The following PTPRG variants were observed in gnomAD, a reference collection of about 807,000 sequenced individuals.
PTPRG encodes the protein receptor-type tyrosine-protein phosphatase gamma.
Under a neutral mutation model 165.3 loss-of-function variants are expected in PTPRG, and 102 were observed. That is an observed-to-expected ratio of 0.62 (90% CI 0.53 to 0.73). The LOEUF (loss-of-function observed/expected upper bound fraction) is 0.73. PTPRG is among the 30% of genes least tolerant of loss of function. The pLI is 0.00. For synonymous variants in PTPRG, 675 were observed against 669.5 expected (o/e 1.01, Z -0.13); for missense variants, 1,866 against 1,861.4 (o/e 1.00, Z -0.05).
At chr3:61,643,576 C>T (rs531513430) in intron 1 of PTPRG, among the ~76,000 whole-genome samples, 2 of 152,142 alleles carry the variant, frequency 1.3e-5, no homozygotes, top group East Asian at 1.9e-4. Context: ...GTCAGGAGTT[C>T]GAGACCAGCC....
rs199968064 is a variant in PTPRG, at chr3:62,033,361, ATTTT to A, written c.519+29881_519+29884del. On this transcript the variant is annotated intron_variant, in intron 4 of 29. Transcript: ENST00000474889. ...ATCTACTCTCAACTGCTCCCTATAC[ATTTT>A]TTTTTTTTTTTTTTTTGAGACAGGG... 1.7e-3 allele frequency among the ~76,000 whole-genome samples: 207 copies of A among 124,310 alleles called. No individual in the cohort carries two copies. The East Asian group carries it at 0.02, about 12-fold the overall frequency. The allele number at this position is 124,310 out of a possible 152,430, so 81.6% of individuals were successfully genotyped here. A position where few individuals can be genotyped will look rare whatever the true frequency, so the allele number is the denominator to read the frequency against.
chr3:61,964,459 G>T (rs1185767343), intron 2 of PTPRG, among the ~76,000 whole-genome samples: 1 of 152,090 alleles, frequency 6.6e-6, no homozygotes, highest in Non-Finnish European at 1.5e-5. Flanking sequence ...TTATTATGGG[G>T]TTATGAGTTA....
At chr3:61,715,354 C>T (rs1407387734) in intron 1 of PTPRG, among the ~76,000 whole-genome samples, 2 of 152,006 alleles carry the variant, frequency 1.3e-5, no homozygotes, top group African/African-American at 4.8e-5. Flanking sequence ...GTAGCTGGGA[C>T]TACAGGTGTG....
rs567124358 is a variant in PTPRG at position 61,756,734 on chromosome 3, A to G, written c.190+7752A>G. Reference sequence around the variant, plus strand: ...GGCCTTGTGACCATTGGAAAAGTCTAGCAGTAAGATGAAATACTGTTTAGT... The same window carrying G: ...GGCCTTGTGACCATTGGAAAAGTCTGGCAGTAAGATGAAATACTGTTTAGT... On this transcript the variant is annotated intron_variant, in intron 2 of 29. Coordinates refer to ENST00000474889, the MANE Select transcript of PTPRG (RefSeq NM_002841.4). 1.3e-5 allele frequency among the ~76,000 whole-genome samples: 2 copies of G among 152,324 alleles called. 1 individual carries two copies. Among genetic ancestry groups the G allele is most frequent in the South Asian group, 4.1e-4 (2 of 4,826 alleles).
At chr3:61,684,831 T>A (rs1703569457) in intron 1 of PTPRG, among the ~76,000 whole-genome samples, 1 of 152,196 alleles carries the variant, frequency 6.6e-6, no homozygotes, top group South Asian at 2.1e-4. Context: ...CCTGGAGTAG[T>A]TGAGTTTGGG....
intron 2 of PTPRG, among the ~76,000 whole-genome samples, chr3:61,970,119 T>G (rs1315930526): frequency 1.3e-5 from 2 of 152,216 alleles, no homozygotes; most frequent in African/African-American, 4.8e-5. Flanking sequence ...GCCACTTTTT[T>G]GAACCATGTG....
intron 1 of PTPRG, among the ~76,000 whole-genome samples, chr3:61,715,995 A>C (rs1420197199): frequency 2.0e-5 from 3 of 152,120 alleles, no homozygotes; most frequent in African/African-American, 7.2e-5. Context: ...AGAGGAGCAT[A>C]ATGACATACT....
At chr3:62,018,490 A>C (rs11706702) in intron 4 of PTPRG, among the ~76,000 whole-genome samples, 43,876 of 152,020 alleles carry the variant, frequency 0.29, 6,488 homozygotes, top group East Asian at 0.38. Context: ...GGGTGTCACC[A>C]CTCTCTTTCC....
intron 5 of PTPRG, among the ~76,000 whole-genome samples, chr3:62,131,128 C>G (rs570961840): frequency 5.1e-4 from 78 of 152,306 alleles, no homozygotes; most frequent in Middle Eastern, 6.8e-3. Flanking sequence ...GCACCACTGA[C>G]ATCTTAGCCA....
chr3:62,264,742 G>A lies in PTPRG; in HGVS notation c.2656+1848G>A, dbSNP rs1273070349. 5.9e-5 allele frequency among the ~76,000 whole-genome samples: 9 copies of A among 152,044 alleles called. No homozygotes were observed. In the South Asian group the frequency reaches 1.5e-3, roughly 25 times the overall value. On this transcript the variant is annotated intron_variant, in intron 17 of 29. Transcript: ENST00000474889. ...CCGCTTCTCAGCTAGTATGAATACC[G>A]CTATGAGCATTCATGTACAAGTCTT...
intron 1 of PTPRG, among the ~76,000 whole-genome samples, chr3:61,649,101 T>G (rs545002175): frequency 6.6e-6 from 1 of 152,202 alleles, no homozygotes; most frequent in East Asian, 1.9e-4. Context: ...GGAGACTGGT[T>G]AATTTATTTT....
chr3:61,848,315 A>T (rs538738535), intron 2 of PTPRG, among the ~76,000 whole-genome samples: 3 of 152,336 alleles, frequency 2.0e-5, no homozygotes, highest in African/African-American at 7.2e-5. Context: ...GCCTTGCTGC[A>T]GTCTTTGCCC....
rs759385441 is a variant in PTPRG, at chr3:62,099,793, CTTTTTTTTT to C, written c.615+21550_615+21558del. ...TAGTCATAGTACTTAAGTGTTAAAT[CTTTTTTTTT>C]TTTTTTTTTTTTTTGAGGCAGAGTC... On this transcript the variant is annotated intron_variant, in intron 5 of 29. Transcript: ENST00000474889. 9.9e-5 allele frequency among the ~76,000 whole-genome samples: 9 copies of C among 90,752 alleles called. No homozygotes were observed. In the South Asian group the frequency reaches 1.3e-3, roughly 13 times the overall value. 59.5% of individuals were successfully genotyped at this position (90,752 alleles called of 152,430 possible).
At chr3:61,890,698 T>A (rs1485075897) in intron 2 of PTPRG, among the ~76,000 whole-genome samples, 1 of 152,082 alleles carries the variant, frequency 6.6e-6, no homozygotes, top group South Asian at 2.1e-4. Context: ...AATTGACTTT[T>A]AAAAAAAGTC....
chr3:61,566,610 C>T (rs372491527), intron 1 of PTPRG, among the ~76,000 whole-genome samples: 3 of 152,172 alleles, frequency 2.0e-5, no homozygotes, highest in African/African-American at 4.8e-5. Flanking sequence ...CAGGTTCAAG[C>T]GATTCTCCTG....
At chr3:61,637,081 A>G (rs1701930920) in intron 1 of PTPRG, among the ~76,000 whole-genome samples, 1 of 152,166 alleles carries the variant, frequency 6.6e-6, no homozygotes, top group African/African-American at 2.4e-5. Context: ...GAGGAAAGAG[A>G]GTCTTCTCTT....
At chr3:62,012,836 A>C (rs537994857) in intron 4 of PTPRG, among the ~76,000 whole-genome samples, 130 of 152,354 alleles carry the variant, frequency 8.5e-4, no homozygotes, top group Middle Eastern at 3.4e-3. Context: ...CTGAACCTGT[A>C]GTAAAATATA....
intron 1 of PTPRG, among the ~76,000 whole-genome samples, chr3:61,671,714 G>A (rs1229361951): frequency 1.3e-5 from 2 of 148,656 alleles, no homozygotes; most frequent in African/African-American, 5.0e-5. Context: ...CAGTAGGGGC[G>A]GCCGGGCAGA....
At chr3:61,680,521 CAAAA>C (rs995187234) in intron 1 of PTPRG, among the ~76,000 whole-genome samples, 2 of 117,646 alleles carry the variant, frequency 1.7e-5, no homozygotes, top group African/African-American at 3.2e-5. Flanking sequence ...AAAAAAAACA[CAAAA>C]AAACAGCATG....
Sources: allele counts gnomAD v4.1 joint callset (sites outside exome capture counted in the v4.1 genomes callset), GRCh38; gene constraint gnomAD v4.1.1; transcripts MANE v1.5; gene names NCBI Gene and HGNC (gene_info 2026-07-23, HGNC 2026-07-21).